The following CD99L2 variants were observed in gnomAD, a reference collection of about 807,000 sequenced individuals.
The protein encoded by CD99L2 is CD99 antigen-like protein 2.
Under a neutral mutation model 27.3 loss-of-function variants are expected in CD99L2, and 24 were observed. The observed-to-expected ratio is 0.88, with a 90% confidence interval of 0.64 to 1.24. The LOEUF (loss-of-function observed/expected upper bound fraction) is 1.24. CD99L2 is among the 50% of genes most tolerant of loss of function. CD99L2 has a pLI of 0.00. For synonymous variants in CD99L2, 97 were observed against 87.9 expected, an observed-to-expected ratio of 1.10 and a Z score of -0.58; for missense variants, 255 against 221.6, an observed-to-expected ratio of 1.15 and a Z score of -0.96.
chrX:150,840,580 G>C (rs1434813997), intron 1 of CD99L2, among the ~76,000 whole-genome samples: 1 of 111,074 alleles, frequency 9.0e-6, no homozygotes, highest in Non-Finnish European at 1.9e-5. Flanking sequence ...TAACTTTTTT[G>C]TATTTTTTGT....
chrX:150,824,640 G>GAGAAGA (rs369112631), intron 2 of CD99L2, among the ~76,000 whole-genome samples: 24 of 64,717 alleles, frequency 3.7e-4, no homozygotes, highest in Non-Finnish European at 6.0e-4. Context: ...GAAGAAGGAG[G>GAGAAGA]AGAAGAAGAA....
intron 9 of CD99L2, among the ~76,000 whole-genome samples, chrX:150,772,815 G>A (rs1354279781): frequency 9.0e-6 from 1 of 110,974 alleles, no homozygotes; most frequent in African/African-American, 3.3e-5. Flanking sequence ...CATGAGGTGG[G>A]GGGACAGGAG....
chrX:150,793,383 TCCACTGGC>T (rs1557419766), intron 7 of CD99L2, among the ~76,000 whole-genome samples: 1 of 112,405 alleles, frequency 8.9e-6, no homozygotes, highest in African/African-American at 3.2e-5. Context: ...GCTTTCAGAG[TCCACTGGC>T]CCCCAGTTAT....
chrX:150,834,040 T>G (rs184664053), intron 1 of CD99L2, among the ~76,000 whole-genome samples: 295 of 111,822 alleles, frequency 2.6e-3, no homozygotes, highest in African/African-American at 8.6e-3. Context: ...GGGGTTAATA[T>G]CCAAAATATA....
chrX:150,881,395 C>T (rs1459931711), intron 1 of CD99L2, among the ~76,000 whole-genome samples: 1 of 111,951 alleles, frequency 8.9e-6, no homozygotes, highest in Non-Finnish European at 1.9e-5. Flanking sequence ...GCTAGGTCAT[C>T]GCAGAGATTG....
At chrX:150,892,605 C>T (rs1430518961) in intron 1 of CD99L2, among the ~76,000 whole-genome samples, 1 of 30,193 alleles carries the variant, frequency 3.3e-5, no homozygotes, top group African/African-American at 1.2e-4. Flanking sequence ...GACTCTGTCT[C>T]AAAAAAAAAA....
At chrX:150,837,092 G>A (rs946278300) in intron 1 of CD99L2, among the ~76,000 whole-genome samples, 12 of 111,362 alleles carry the variant, frequency 1.1e-4, no homozygotes, top group Non-Finnish European at 1.5e-4. Flanking sequence ...ACAACACTCC[G>A]TAGCAATGAG....
chrX:150,830,383 T>C (rs2046424302), intron 2 of CD99L2, among the ~76,000 whole-genome samples: 1 of 109,938 alleles, frequency 9.1e-6, no homozygotes. Context: ...AGATTCTGTC[T>C]CCACAAAAAA....
intron 3 of CD99L2, among the ~76,000 whole-genome samples, chrX:150,815,547 C>T (rs1557420457): frequency 8.9e-6 from 1 of 111,775 alleles, no homozygotes; most frequent in East Asian, 2.8e-4. Flanking sequence ...ATGTCTAAAT[C>T]GTAAAGTGGC....
In CD99L2 at chrX:150,769,171, A is replaced by G. The variant is rs782188638; in HGVS notation, c.722-70T>C. On this transcript the variant is annotated intron_variant, in intron 10 of 10. Coordinates refer to ENST00000370377, the MANE Select transcript of CD99L2 (RefSeq NM_031462.4). The stretch of plus-strand genomic sequence containing the variant: ...CACAGAAGAAGCAAATACAGCAGCA[A>G]GCCCGTGCTGGGAACAGAACTGGGT... The G allele has an allele frequency of 3.7e-6, 4 of 1,085,456 alleles. No individual in the cohort carries two copies. In the South Asian group the frequency reaches 6.6e-5, roughly 18 times the overall value. 89.5% of individuals were successfully genotyped at this position (1,085,456 alleles called of 1,213,427 possible).
chrX:150,832,144 T>C (rs2046454550), intron 1 of CD99L2, among the ~76,000 whole-genome samples: 1 of 112,515 alleles, frequency 8.9e-6, no homozygotes, highest in African/African-American at 3.2e-5. Flanking sequence ...ATAGATCATA[T>C]GTTAGGCCAC....
At chrX:150,874,990 T>C (rs1423041551) in intron 1 of CD99L2, among the ~76,000 whole-genome samples, 3 of 111,731 alleles carry the variant, frequency 2.7e-5, no homozygotes, top group Non-Finnish European at 3.8e-5. Context: ...GGCATCTCTC[T>C]CTATCTGATC....
At chrX:150,793,539 A>G (rs1388307124) in intron 7 of CD99L2, 152 bp downstream of exon 7, 1 of 422,324 alleles carries the variant, frequency 2.4e-6, no homozygotes, top group East Asian at 4.1e-5. Context: ...CTTGAACTGC[A>G]TGGCTCACAT....
In CD99L2 at chrX:150,836,854, C is replaced by T. The variant is rs782506183; in HGVS notation, c.68-5561G>A. On this transcript the variant is annotated intron_variant, in intron 1 of 10. Transcript: ENST00000370377. ...CTGAATACTGTAGGCAACTATAACA[C>T]CATGGTATTTGTGTATCTAAACACA... Among the ~76,000 whole-genome samples the T allele has an allele frequency of 2.2e-4, 25 of 111,594 alleles. No individual in the cohort carries two copies. In the South Asian group the frequency reaches 9.4e-3, roughly 42 times the overall value.
At chrX:150,772,682 G>A (rs782109368) in intron 9 of CD99L2, among the ~76,000 whole-genome samples, 48 of 112,775 alleles carry the variant, frequency 4.3e-4, no homozygotes, top group South Asian at 2.6e-3. Context: ...CCTTTTGGAC[G>A]GGAGATGAGG....
intron 5 of CD99L2, 21 bp downstream of exon 5, chrX:150,795,397 T>C (rs2045779617): frequency 8.3e-7 from 1 of 1,210,785 alleles, no homozygotes; most frequent in Non-Finnish European, 1.1e-6. Flanking sequence ...CTTACTACTC[T>C]CCTCAGAGCG....
rs187012711 is a variant in CD99L2, at chrX:150,880,256, A to G, written c.67+18266T>C. Among the ~76,000 whole-genome samples the G allele has an allele frequency of 4.4e-5, 5 of 112,505 alleles. No homozygotes were observed. The East Asian group carries it at 1.1e-3, about 25-fold the overall frequency. On this transcript the variant is annotated intron_variant, in intron 1 of 10. Coordinates refer to ENST00000370377, the MANE Select transcript of CD99L2 (RefSeq NM_031462.4). Reference sequence around the variant, plus strand: ...CAAACACCTGTACATAACTGTTCACAGCAGCACCATTCATAGCAGCTGCAA... The same window carrying G: ...CAAACACCTGTACATAACTGTTCACGGCAGCACCATTCATAGCAGCTGCAA...
chrX:150,806,751 C>A (rs782574998), intron 4 of CD99L2, among the ~76,000 whole-genome samples: 1 of 110,440 alleles, frequency 9.1e-6, no homozygotes, highest in African/African-American at 3.3e-5. Flanking sequence ...ATTAGCCGGG[C>A]GTGGTGGTGG....
At chrX:150,896,530 GATA>G (rs2047613663) in intron 1 of CD99L2, among the ~76,000 whole-genome samples, 1 of 112,441 alleles carries the variant, frequency 8.9e-6, no homozygotes, top group Admixed American at 9.4e-5. Context: ...GAAAGCCAGT[GATA>G]ATATCTAGCC....
Sources: allele counts gnomAD v4.1 joint callset (sites outside exome capture counted in the v4.1 genomes callset), GRCh38; gene constraint gnomAD v4.1.1; transcripts MANE v1.5; gene names NCBI Gene and HGNC (gene_info 2026-07-23, HGNC 2026-07-21).